Variants in KALRN observed in about 807,000 individuals in gnomAD.
KALRN encodes the protein kalirin RhoGEF kinase.
In KALRN, 70 loss-of-function variants were observed where a neutral mutation model predicts 353.7. The observed-to-expected ratio is 0.20, with a 90% CI of 0.16 to 0.24. The LOEUF is 0.24. Ranked by LOEUF, KALRN falls within the 10% of genes least tolerant of loss-of-function variation. KALRN has a pLI of 1.00. For missense variants in KALRN, 2,791 were observed against 3,756.7 expected (o/e 0.74, Z 6.72); for synonymous variants, 1,391 against 1,434.8 (o/e 0.97, Z 0.69).
intron 8 of KALRN, among the ~76,000 whole-genome samples, chr3:124,333,679 G>C (rs1463441650): frequency 2.0e-5 from 3 of 152,100 alleles, no homozygotes; most frequent in African/African-American, 7.2e-5. Flanking sequence ...CCTGAGGTTA[G>C]GAGTTCAAGA....
intron 10 of KALRN, among the ~76,000 whole-genome samples, chr3:124,375,691 T>C (rs1240714001): frequency 6.6e-6 from 1 of 152,234 alleles, no homozygotes; most frequent in African/African-American, 2.4e-5. Flanking sequence ...ACAAACAAGG[T>C]ATTTTATTGT....
intron 15 of KALRN, 25 bp downstream of exon 15, chr3:124,423,003 G>C (rs368086230): frequency 4.8e-5 from 77 of 1,608,048 alleles, no homozygotes; most frequent in Non-Finnish European, 5.6e-5. Context: ...TCTTCCTTCA[G>C]CCTGGGTTTC....
Position 124,719,434 on chromosome 3 carries a change from G to C in KALRN, c.8925G>C (p.Lys2975Asn). ...ATGTGCGGCCTATTCCCAATGTCAA[G>C]AGCTACATTGTCAACCGGGTGAACC... ...QNDVRPIPNVKSYIVNRVNQG... is the reference protein window; with the variant it reads ...QNDVRPIPNVNSYIVNRVNQG... The change falls in exon 60 of 60, where the codon AAG becomes AAC. Residue 2975 changes from lysine (K) to asparagine (N), a missense_variant. By Grantham distance (94) the Lys-to-Asn change is moderately conservative. Around this residue, in one of 11 missense-constraint regions of KALRN, gnomAD observed 32 missense variants for 27.4 expected, o/e 1.17. Coordinates refer to ENST00000682506, the MANE Select transcript of KALRN (RefSeq NM_001388419.1). The surrounding 1 kb of genome is among the most constrained non-coding windows in gnomAD (Gnocchi z 5.3). 1 of 1,613,936 alleles carries C rather than the reference G, an allele frequency of 6.2e-7. No homozygotes were observed. Among genetic ancestry groups the C allele is most frequent in the Non-Finnish European group, 8.5e-7 (1 of 1,179,928 alleles).
At chr3:124,222,387 G>C (rs1299525142) in intron 1 of KALRN, among the ~76,000 whole-genome samples, 2 of 152,038 alleles carry the variant, frequency 1.3e-5, no homozygotes, top group East Asian at 3.9e-4. Flanking sequence ...TGAATCTCTG[G>C]AATCTCTGGG....
intron 28 of KALRN, among the ~76,000 whole-genome samples, chr3:124,487,222 T>A (rs2062662536): frequency 6.6e-6 from 1 of 152,180 alleles, no homozygotes; most frequent in Non-Finnish European, 1.5e-5. Flanking sequence ...TTCTTCTGGT[T>A]TGGGCAAAAA....
chr3:124,649,248 AC>A (rs2083105589), intron 37 of KALRN, among the ~76,000 whole-genome samples: 1 of 152,118 alleles, frequency 6.6e-6, no homozygotes, highest in Non-Finnish European at 1.5e-5. Context: ...ATTTCTCTGG[AC>A]CTTTCTGTTC....
Position 124,062,046 on chromosome 3 carries a change from T to C in KALRN, c.73+28233T>C, listed in dbSNP as rs548739285. 1.6e-4 allele frequency among the ~76,000 whole-genome samples: 25 copies of C among 152,338 alleles called. No individual in the cohort carries two copies. In the South Asian group the frequency reaches 5.0e-3, roughly 30 times the overall value. On this transcript the variant is annotated intron_variant, in intron 1 of 59. Coordinates refer to ENST00000682506, the MANE Select transcript of KALRN (RefSeq NM_001388419.1). ...GCAGGATCTCAGGCCCCCTCCTTGC[T>C]GAATCACAATCTGCATATTAAAAAA...
At chr3:124,148,725 G>GAA (rs138374108) in intron 1 of KALRN, among the ~76,000 whole-genome samples, 115 of 147,540 alleles carry the variant, frequency 7.8e-4, no homozygotes, top group African/African-American at 2.7e-3. Context: ...GGTGAAAAAG[G>GAA]AAAAAAAAAA....
chr3:124,482,771 C>T, intron 27 of KALRN, 37 bp from the exon 28 acceptor site: 1 of 1,376,180 alleles, frequency 7.3e-7, no homozygotes, highest in East Asian at 2.3e-5. Flanking sequence ...GCACACACCC[C>T]TCTGTGTCTA....
At chr3:124,695,675 T>G (rs2062019934) in intron 53 of KALRN, among the ~76,000 whole-genome samples, 1 of 152,176 alleles carries the variant, frequency 6.6e-6, no homozygotes, top group African/African-American at 2.4e-5. Context: ...ATTCACTTAA[T>G]TATTTTGAGG....
intron 1 of KALRN, among the ~76,000 whole-genome samples, chr3:124,104,145 T>C (rs1390966985): frequency 6.6e-6 from 1 of 152,200 alleles, no homozygotes; most frequent in East Asian, 1.9e-4. Flanking sequence ...GCAGGTACTC[T>C]TTCATGTTAA....
chr3:124,677,025 C>T (rs1327369478), intron 49 of KALRN, among the ~76,000 whole-genome samples: 3 of 152,174 alleles, frequency 2.0e-5, no homozygotes, highest in Non-Finnish European at 4.4e-5. Flanking sequence ...TTTGGAACAC[C>T]TTCCTCAAAG....
intron 1 of KALRN, among the ~76,000 whole-genome samples, chr3:124,113,536 G>A (rs1226166007): frequency 6.6e-6 from 1 of 152,210 alleles, no homozygotes; most frequent in Non-Finnish European, 1.5e-5. Flanking sequence ...CTCTTGAAGT[G>A]TGGCCCAAGG....
Position 124,462,543 on chromosome 3 carries a change from C to A in KALRN, c.3941C>A (p.Thr1314Asn). 6.2e-7 allele frequency: 1 copy of A among 1,608,212 alleles called. No homozygotes were observed. The highest frequency in any genetic ancestry group is 8.5e-7 in the Non-Finnish European group (1 of 1,174,788). Residue 1314 changes from threonine to asparagine, a missense_variant, in exon 25 of 60, where the codon ACC becomes AAC. Thr to Asn is a moderately conservative substitution (Grantham distance 65, BLOSUM62 0). Around this residue, in one of 11 missense-constraint regions of KALRN, gnomAD observed 268 missense variants for 347.0 expected, o/e 0.77. Coordinates refer to ENST00000682506, the MANE Select transcript of KALRN (RefSeq NM_001388419.1). ...TTACAGACCTACCTGTGGGAAATGA[C>A]CAGTGGTGTGGAGGAGATCCCCCCT... The part of the protein sequence containing the change: ...ECLETYLWEM[T>N]SGVEEIPPGI...
At chr3:124,619,313 G>A (rs1156403949) in intron 34 of KALRN, among the ~76,000 whole-genome samples, 1 of 151,710 alleles carries the variant, frequency 6.6e-6, no homozygotes, top group Admixed American at 6.6e-5. Flanking sequence ...TTTATTCCTT[G>A]GTTTGTTGGC....
intron 9 of KALRN, among the ~76,000 whole-genome samples, chr3:124,341,403 A>C (rs141418020): frequency 2.0e-5 from 3 of 152,346 alleles, no homozygotes; most frequent in African/African-American, 7.2e-5. Flanking sequence ...TCATGGCTAT[A>C]AACAGTCATT....
intron 5 of KALRN, among the ~76,000 whole-genome samples, chr3:124,278,150 G>A (rs1057352148): frequency 2.6e-5 from 4 of 151,896 alleles, no homozygotes; most frequent in African/African-American, 9.7e-5. Flanking sequence ...GCCTTGGATG[G>A]AGGATAGTGT....
At chr3:124,141,365 C>G (rs1349606282) in intron 1 of KALRN, among the ~76,000 whole-genome samples, 1 of 152,126 alleles carries the variant, frequency 6.6e-6, no homozygotes, top group Non-Finnish European at 1.5e-5. Flanking sequence ...TATACTGTTT[C>G]CCACCAGCTC....
chr3:124,141,643 A>C (rs745826803), intron 1 of KALRN, among the ~76,000 whole-genome samples: 1 of 152,204 alleles, frequency 6.6e-6, no homozygotes, highest in East Asian at 1.9e-4. Context: ...CTTGGTTGCA[A>C]ATTGTCTTTT....
Sources: gnomAD v4.1 joint callset for allele counts (sites outside exome capture counted in the v4.1 genomes callset) on GRCh38, gnomAD v4.1.1 for gene constraint, gnomAD v4.1.1 regional missense constraint, Gnocchi (gnomAD v3.1) non-coding constraint, MANE v1.5 for transcripts, NCBI Gene and HGNC (gene_info 2026-07-23, HGNC 2026-07-21) for gene names.